Variants in UNC13A observed in about 807,000 individuals in gnomAD.
UNC13A encodes the protein unc-13 homolog A, also known as protein unc-13 homolog A.
Under a neutral mutation model 219.7 loss-of-function variants are expected in UNC13A, and 61 were observed. The observed-to-expected ratio is 0.28, with a 90% CI of 0.23 to 0.34. UNC13A has a LOEUF of 0.34. Ranked by LOEUF, UNC13A falls within the 10% of genes least tolerant of loss-of-function variation. The probability of loss-of-function intolerance (pLI) is 1.00; values close to 1 mark genes in which losing one functional copy is unlikely to be tolerated. For synonymous variants in UNC13A, 920 were observed against 884.6 expected (o/e 1.04, Z -0.71); for missense variants, 1,476 against 2,270.3 (o/e 0.65, Z 7.11).
At chr19:17,639,365 C>A in intron 24 of UNC13A, 71 bp downstream of exon 24, 1 of 1,573,604 alleles carries the variant, frequency 6.4e-7, no homozygotes, top group Non-Finnish European at 8.6e-7. Context: ...GGAGGAATGT[C>A]ACTTGTCCTG....
intron 36 of UNC13A, chr19:17,623,185 CCTCTTT>C (rs2076746761): frequency 1.0e-5 from 3 of 292,182 alleles, no homozygotes; most frequent in African/African-American, 2.2e-5. Flanking sequence ...TGGGGTTGAT[CCTCTTT>C]CTAGCTTCAG....
intron 17 of UNC13A, 151 bp downstream of exon 17, chr19:17,647,114 C>G: frequency 1.4e-6 from 1 of 721,860 alleles, no homozygotes. Context: ...CATGTCCCCC[C>G]ATATGCGTGC....
chr19:17,673,165 C>G (rs555336898), intron 3 of UNC13A, among the ~76,000 whole-genome samples: 6 of 151,624 alleles, frequency 4.0e-5, no homozygotes, highest in Non-Finnish European at 8.8e-5. Flanking sequence ...TAAGACCAGC[C>G]TGACCAACAT....
At position 17,606,188 on chromosome 19, in the gene UNC13A, G is replaced by A; in HGVS notation, c.4978C>T (p.His1660Tyr). 1 of 1,558,724 alleles carries A rather than the reference G, an allele frequency of 6.4e-7. No homozygotes were observed. The highest frequency in any genetic ancestry group is 8.7e-7 in the Non-Finnish European group (1 of 1,154,012). Reference sequence around the variant, plus strand: ...ACCGTGAGGCCCGTGTCGTCCATGTGGATGCGGCGGCCGAGCGGCAGCCAG... The same window carrying A: ...ACCGTGAGGCCCGTGTCGTCCATGTAGATGCGGCGGCCGAGCGGCAGCCAG... ...ACWLPLGRRI[H>Y]MDDTGLTVLR... The change falls in exon 44 of 44, where the codon CAC (histidine) becomes TAC (tyrosine). Residue 1660 changes from histidine (H) to tyrosine (Y), a missense_variant. Physicochemically the swap from His to Tyr is moderately conservative, Grantham distance 83 (BLOSUM62 2). Coordinates refer to ENST00000519716, the MANE Select transcript of UNC13A (RefSeq NM_001080421.3).
intron 42 of UNC13A, among the ~76,000 whole-genome samples, chr19:17,610,648 G>A (rs944418745): frequency 3.9e-5 from 6 of 152,162 alleles, no homozygotes; most frequent in African/African-American, 1.4e-4. Flanking sequence ...AAAAGGCAGG[G>A]AGTGAACCCC....
Position 17,642,945 on chromosome 19 carries a change from T to C in UNC13A, c.2372A>G (p.Lys791Arg), listed in dbSNP as rs746041238. Residue 791 changes from lysine to arginine, a missense_variant, in exon 20 of 44, where the codon AAA (lysine) becomes AGA (arginine). By Grantham distance (26) the Lys-to-Arg change is conservative (BLOSUM62 2). Coordinates refer to ENST00000519716, the MANE Select transcript of UNC13A (RefSeq NM_001080421.3). ...CCGGATGGCACCCGACACGGCAGAT[T>C]TGTCAGTTCGCTTGTCTGCAGGGCA... is the stretch of plus-strand genomic sequence containing the variant. ...VWYNLDKRTDKSAVSGAIRLH... is the reference protein window; with the variant it reads ...VWYNLDKRTDRSAVSGAIRLH... 1 of 1,607,868 alleles carries C rather than the reference T, an allele frequency of 6.2e-7. No homozygotes were observed.
intron 30 of UNC13A, among the ~76,000 whole-genome samples, chr19:17,629,918 A>G (rs1425768741): frequency 8.4e-6 from 1 of 119,594 alleles, no homozygotes; most frequent in Non-Finnish European, 1.9e-5. Context: ...TTTAAACCCT[A>G]ACCCCAACTC....
At chr19:17,626,245 C>T in intron 34 of UNC13A, 1 of 165,814 alleles carries the variant, frequency 6.0e-6, no homozygotes, top group Non-Finnish European at 1.3e-5. Context: ...TCCATCTAAG[C>T]ATCAATCCAT....
At chr19:17,641,681 C>CTTTTTTTTTTTTTTTT in intron 20 of UNC13A, 125 bp from the exon 21 acceptor site, 2 of 1,006,528 alleles carry the variant, frequency 2.0e-6, no homozygotes, top group Non-Finnish European at 1.4e-6. Context: ...TTCATCTACT[C>CTTTTTTTTTTTTTTTT]TTTTATCCAT....
In UNC13A at chr19:17,647,453, C is replaced by A; in HGVS notation, c.1856G>T (p.Arg619Leu). ...EKSSKHGAED[R>L]TQNIIMVLKD... ...GAGCACCATGATGATGTTCTGTGTC[C>A]GGTCCTCCGCCCCGTGCTTGGAGCT... is the stretch of plus-strand genomic sequence containing the variant. Residue 619 changes from arginine (R) to leucine (L), a missense_variant, in exon 17 of 44, where the codon CGG becomes CTG. By Grantham distance (102) the Arg-to-Leu change is moderately radical (BLOSUM62 -2). Coordinates refer to ENST00000519716, the MANE Select transcript of UNC13A (RefSeq NM_001080421.3). The A allele has an allele frequency of 6.2e-7, 1 of 1,613,484 alleles. No individual in the cohort carries two copies. The highest frequency in any genetic ancestry group is 8.5e-7 in the Non-Finnish European group (1 of 1,179,808).
Position 17,656,112 on chromosome 19 carries a change from G to A in UNC13A, c.1054C>T (p.Pro352Ser). 6.4e-7 allele frequency: 1 copy of A among 1,552,482 alleles called. No homozygotes were observed. Among genetic ancestry groups the A allele is most frequent in the Non-Finnish European group, 8.7e-7 (1 of 1,147,286 alleles). ...TGGGCATAGCTGCCCAAATCGTCAGGCACCTCCTCCTCCTCCTCCTCCAGC... is the reference window on the plus strand; with the variant it reads ...TGGGCATAGCTGCCCAAATCGTCAGACACCTCCTCCTCCTCCTCCTCCAGC... The part of the protein sequence containing the change: ...EELEEEEEEV[P>S]DDLGSYAQRE... The change falls in exon 10 of 44, where the codon CCT becomes TCT. Residue 352 changes from proline to serine, a missense_variant. Transcript: ENST00000519716.
chr19:17,614,867 C>T (rs1170508082), intron 41 of UNC13A, among the ~76,000 whole-genome samples: 2 of 152,174 alleles, frequency 1.3e-5, no homozygotes, highest in Non-Finnish European at 1.5e-5. Context: ...AAGCTCAATC[C>T]GGGCCAGACT....
rs574669633 is a variant in UNC13A at position 17,608,380 on chromosome 19, A to G, written c.4811+1560T>C. On this transcript the variant is annotated intron_variant, in intron 43 of 43. Coordinates refer to ENST00000519716, the MANE Select transcript of UNC13A (RefSeq NM_001080421.3). ...ATATAAATATATATTATATATGTATATAAATATATATATATTTATATATAA... is the reference window on the plus strand; with the variant it reads ...ATATAAATATATATTATATATGTATGTAAATATATATATATTTATATATAA... Among the ~76,000 whole-genome samples the G allele has an allele frequency of 8.2e-3, 702 of 85,826 alleles. 9 individuals carry two copies. The highest frequency in any genetic ancestry group is 0.032 in the African/African-American group (678 of 21,212). The allele number at this position is 85,826 out of a possible 152,430, so 56.3% of individuals were successfully genotyped here.
rs557996521 is a variant in UNC13A, at chr19:17,627,771, A to C, written c.3831+92T>G. ...CATGGTTGAGCTGGAATTCATCCCC[A>C]GGCCTGGTGGCATATGAGCTCAGGG... On this transcript the variant is annotated intron_variant, in intron 32 of 43. Transcript: ENST00000519716. The surrounding 1 kb of genome is among the most constrained non-coding windows in gnomAD (Gnocchi z 4.7). 1.7e-4 allele frequency: 242 copies of C among 1,411,412 alleles called. No homozygotes were observed. The highest frequency in any genetic ancestry group is 2.4e-4 in the Admixed American group (12 of 50,210). 87.4% of individuals were successfully genotyped at this position (1,411,412 alleles called of 1,614,324 possible).
At chr19:17,671,951 G>A (rs1284995617) in intron 4 of UNC13A, among the ~76,000 whole-genome samples, 1 of 152,094 alleles carries the variant, frequency 6.6e-6, no homozygotes, top group African/African-American at 2.4e-5. Context: ...CTCCTTCCAA[G>A]GTAATACATT....
chr19:17,611,809 C>T lies in UNC13A; in HGVS notation c.4605G>A (p.Glu1535=), dbSNP rs751964921. 3.1e-6 allele frequency: 5 copies of T among 1,614,200 alleles called. No individual in the cohort carries two copies. The highest frequency in any genetic ancestry group is 3.3e-5 in the Admixed American group (2 of 60,034). Residue 1535 remains glutamate, a synonymous_variant, in exon 42 of 44, where the codon GAG becomes GAA. Transcript: ENST00000519716. ...CCCCAGTTCCTGGATGAGTGAACAG[C>T]TCAACATGGACAGAGACTTCACCCA... ...DPVGEVSVHV[E]LFTHPGTGEH...
intron 41 of UNC13A, among the ~76,000 whole-genome samples, chr19:17,615,212 G>A (rs1415261052): frequency 6.6e-6 from 1 of 152,214 alleles, no homozygotes; most frequent in Non-Finnish European, 1.5e-5. Flanking sequence ...GGCTAGGCAT[G>A]GAGGCTCATG....
intron 11 of UNC13A, 51 bp downstream of exon 11, chr19:17,655,223 G>T: frequency 2.1e-6 from 3 of 1,443,888 alleles, no homozygotes; most frequent in Non-Finnish European, 2.8e-6. Context: ...GCCTGCCATT[G>T]GGCGTGGCCT....
chr19:17,623,580 G>C (rs752126663), intron 35 of UNC13A, 33 bp from the exon 36 acceptor site: 20 of 1,066,332 alleles, frequency 1.9e-5, no homozygotes, highest in Non-Finnish European at 2.3e-5. Flanking sequence ...GGCGGTGGGG[G>C]AGGGGGGAAT....
Sources: gnomAD v4.1 joint callset for allele counts (sites outside exome capture counted in the v4.1 genomes callset) on GRCh38, gnomAD v4.1.1 for gene constraint, Gnocchi (gnomAD v3.1) non-coding constraint, MANE v1.5 for transcripts, NCBI Gene and HGNC (gene_info 2026-07-23, HGNC 2026-07-21) for gene names.